Variants in UBE2D2 observed in about 807,000 individuals in gnomAD.
The protein encoded by UBE2D2 is ubiquitin-conjugating enzyme E2 D2.
In UBE2D2, 2 loss-of-function variants were observed where a neutral mutation model predicts 24.2. The ratio of observed to expected loss-of-function variants is 0.08; its 90% CI spans 0.03 to 0.26. UBE2D2 has a LOEUF of 0.26. Ranked by LOEUF, UBE2D2 falls within the 10% of genes least tolerant of loss-of-function variation. The pLI is 1.00. For missense variants in UBE2D2, 44 were observed against 177.6 expected, an observed-to-expected ratio of 0.25 and a Z score of 4.28; for synonymous variants, 58 against 56.5, an observed-to-expected ratio of 1.03 and a Z score of -0.12.
At chr5:139,540,232 A>G (rs1189836420) in intron 1 of UBE2D2, among the ~76,000 whole-genome samples, 1 of 152,122 alleles carries the variant, frequency 6.6e-6, no homozygotes. Context: ...CTATAATTAT[A>G]TAAGATGTAA....
rs139727654 is a variant in UBE2D2 at position 139,617,054 on chromosome 5, G to A, written c.304+2088G>A. 2.3e-3 allele frequency among the ~76,000 whole-genome samples: 350 copies of A among 151,996 alleles called. 2 individuals carry two copies. The highest frequency in any genetic ancestry group is 7.7e-3 in the African/African-American group (321 of 41,468). ...AAAAATTAGCCAGGTGTGATGGTGC[G>A]TGCCTGTAGTCCCAACTACTCAGGA... is the stretch of plus-strand genomic sequence containing the variant. On this transcript the variant is annotated intron_variant, in intron 5 of 6. Coordinates refer to ENST00000398733, the MANE Select transcript of UBE2D2 (RefSeq NM_003339.3).
intron 3 of UBE2D2, 29 bp downstream of exon 3, chr5:139,614,646 A>G (rs1223262003): frequency 1.2e-6 from 2 of 1,613,920 alleles, no homozygotes; most frequent in Admixed American, 1.7e-5. Flanking sequence ...TTCAGAATAA[A>G]CAGTTTATGT....
At chr5:139,594,234 AGC>A (rs1753913510) in intron 1 of UBE2D2, among the ~76,000 whole-genome samples, 1 of 152,150 alleles carries the variant, frequency 6.6e-6, no homozygotes, top group South Asian at 2.1e-4. Context: ...ACCAACTAAT[AGC>A]TTAAGTTGCC....
chr5:139,596,779 G>T (rs963639655), intron 1 of UBE2D2, among the ~76,000 whole-genome samples: 2 of 151,890 alleles, frequency 1.3e-5, no homozygotes, highest in South Asian at 4.2e-4. Flanking sequence ...AGGTGCGGTG[G>T]CTCACTCCTG....
At chr5:139,567,658 C>T (rs1055511709) in intron 1 of UBE2D2, among the ~76,000 whole-genome samples, 5 of 151,528 alleles carry the variant, frequency 3.3e-5, no homozygotes, top group Admixed American at 6.6e-5. Context: ...CTCAGTCTCC[C>T]GAGTAGCTGG....
chr5:139,564,603 C>T (rs945088563), intron 1 of UBE2D2, among the ~76,000 whole-genome samples: 1 of 151,880 alleles, frequency 6.6e-6, no homozygotes, highest in Non-Finnish European at 1.5e-5. Context: ...ACAGGCACTC[C>T]GCCGCCATGC....
chr5:139,573,968 CTAAATAAA>C lies in UBE2D2; in HGVS notation c.24+12169_24+12176del, dbSNP rs570547406. ...CCTGGGCGACAGAGCGAGACTGTCT[CTAAATAAA>C]TAAATAAATAAATAATAAAAAATGT... is the stretch of plus-strand genomic sequence containing the variant. On this transcript the variant is annotated intron_variant, in intron 1 of 6. Transcript: ENST00000398733. Among the ~76,000 whole-genome samples, 482 of 151,352 alleles carry C rather than the reference CTAAATAAA, an allele frequency of 3.2e-3. 1 individual carries two copies. The highest frequency in any genetic ancestry group is 0.011 in the African/African-American group (458 of 41,260).
chr5:139,584,533 C>CTTTTTTTTTTTTTT (rs10642044), intron 1 of UBE2D2, among the ~76,000 whole-genome samples: 1 of 133,066 alleles, frequency 7.5e-6, no homozygotes, highest in Admixed American at 7.8e-5. Context: ...CTTTTCTTTT[C>CTTTTTTTTTTTTTT]TTTTTTTTTT....
chr5:139,572,094 T>C (rs1342945475), intron 1 of UBE2D2, among the ~76,000 whole-genome samples: 1 of 152,224 alleles, frequency 6.6e-6, no homozygotes, highest in African/African-American at 2.4e-5. Context: ...CACTAATGAT[T>C]ACTTAATTGC....
chr5:139,528,712 C>T (rs1752566693), intron 1 of UBE2D2, among the ~76,000 whole-genome samples: 1 of 152,142 alleles, frequency 6.6e-6, no homozygotes, highest in Non-Finnish European at 1.5e-5. Context: ...TGAAAATCCC[C>T]GCATAACCAC....
upstream of UBE2D2, among the ~76,000 whole-genome samples, chr5:139,559,379 T>C (rs1056506325): frequency 6.7e-6 from 1 of 149,516 alleles, no homozygotes; most frequent in Non-Finnish European, 1.5e-5. Context: ...TGAGCCGAGA[T>C]AGCGTCACCG....
intron 1 of UBE2D2, among the ~76,000 whole-genome samples, chr5:139,555,182 A>G (rs1333053280): frequency 6.6e-6 from 1 of 151,914 alleles, no homozygotes; most frequent in Admixed American, 6.6e-5. Context: ...AGTAGCTGGG[A>G]CTACAGGCAT....
At chr5:139,615,189 G>C (rs1276732917) in intron 5 of UBE2D2, among the ~76,000 whole-genome samples, 3 of 152,154 alleles carry the variant, frequency 2.0e-5, no homozygotes, top group African/African-American at 7.2e-5. Context: ...GCATAGGTTA[G>C]AAGATGAACA....
At chr5:139,584,901 CTT>C (rs113991993) in intron 1 of UBE2D2, among the ~76,000 whole-genome samples, 28 of 129,594 alleles carry the variant, frequency 2.2e-4, no homozygotes, top group Admixed American at 1.6e-4. Flanking sequence ...TATAAACTAA[CTT>C]TTTTTTTTTT....
intron 1 of UBE2D2, among the ~76,000 whole-genome samples, chr5:139,593,850 A>G (rs1034627316): frequency 2.6e-5 from 4 of 152,122 alleles, no homozygotes; most frequent in Non-Finnish European, 5.9e-5. Context: ...TCCTGGCCTC[A>G]AGCCATCCTC....
chr5:139,596,588 A>G (rs962665565), intron 1 of UBE2D2, among the ~76,000 whole-genome samples: 12 of 151,446 alleles, frequency 7.9e-5, no homozygotes, highest in African/African-American at 2.9e-4. Context: ...TACCGTGCCC[A>G]GCCCAAATGT....
At chr5:139,626,376 C>T (rs138801731) in intron 6 of UBE2D2, among the ~76,000 whole-genome samples, 10 of 152,164 alleles carry the variant, frequency 6.6e-5, no homozygotes, top group East Asian at 5.8e-4. Context: ...AGCCTTCTGT[C>T]GGTTTAATCA....
At chr5:139,582,966 G>A (rs1350911864) in intron 1 of UBE2D2, among the ~76,000 whole-genome samples, 5 of 150,194 alleles carry the variant, frequency 3.3e-5, no homozygotes, top group African/African-American at 9.8e-5. Flanking sequence ...CACTGCGCCC[G>A]GCTTTTTTTT....
intron 5 of UBE2D2, among the ~76,000 whole-genome samples, chr5:139,618,517 A>G (rs1441692851): frequency 6.6e-6 from 1 of 152,190 alleles, no homozygotes; most frequent in Admixed American, 6.5e-5. Context: ...CATTGGTTGC[A>G]CTTCCTTCAC....
Sources: allele counts gnomAD v4.1 joint callset (sites outside exome capture counted in the v4.1 genomes callset), GRCh38; gene constraint gnomAD v4.1.1; transcripts MANE v1.5; gene names NCBI Gene and HGNC (gene_info 2026-07-23, HGNC 2026-07-21).